The following NRG3 variants were observed in gnomAD, a reference collection of about 807,000 sequenced individuals.
The protein encoded by NRG3 is neuregulin 3.
NRG3 carries 31 observed loss-of-function variants against 66.9 expected under a neutral mutation model. The observed-to-expected ratio is 0.46, with a 90% CI of 0.35 to 0.63. The LOEUF (loss-of-function observed/expected upper bound fraction) is 0.63, where lower values mean the gene tolerates loss of function less well. Ranked by LOEUF, NRG3 falls within the 20% of genes least tolerant of loss-of-function variation. The pLI is 0.00. For missense variants in NRG3, 910 were observed against 878.9 expected (o/e 1.04, Z -0.45); for synonymous variants, 393 against 359.4 (o/e 1.09, Z -1.06).
intron 5 of NRG3, among the ~76,000 whole-genome samples, chr10:82,958,040 G>T (rs1313709615): frequency 6.6e-6 from 1 of 152,148 alleles, no homozygotes; most frequent in Non-Finnish European, 1.5e-5. Context: ...GGCACTGAGT[G>T]ACCCAGACAA....
At chr10:82,456,993 A>C (rs2091295442) in intron 2 of NRG3, among the ~76,000 whole-genome samples, 1 of 152,150 alleles carries the variant, frequency 6.6e-6, no homozygotes, top group Non-Finnish European at 1.5e-5. Context: ...TGCGATCATC[A>C]TAGGTATCTA....
intron 1 of NRG3, among the ~76,000 whole-genome samples, chr10:82,132,468 G>GAGAT (rs2068906253): frequency 1.7e-5 from 2 of 119,920 alleles, no homozygotes; most frequent in South Asian, 4.9e-4. Flanking sequence ...TGATATATAT[G>GAGAT]ATATATATAT....
chr10:81,952,389 A>C (rs552047043), intron 1 of NRG3, among the ~76,000 whole-genome samples: 2 of 151,240 alleles, frequency 1.3e-5, no homozygotes, highest in South Asian at 4.2e-4. Context: ...GTGTGTGTGT[A>C]TGTGTGCGTG....
chr10:82,115,779 A>G (rs139836714), intron 1 of NRG3, among the ~76,000 whole-genome samples: 9 of 152,270 alleles, frequency 5.9e-5, no homozygotes, highest in East Asian at 3.9e-4. Flanking sequence ...TTGATGTTCT[A>G]TCTAGCCTAG....
chr10:82,962,250 G>A (rs916793643), intron 6 of NRG3, among the ~76,000 whole-genome samples: 7 of 152,140 alleles, frequency 4.6e-5, no homozygotes, highest in African/African-American at 1.7e-4. Context: ...TGTGTCTCAA[G>A]TAAGAAAGAG....
intron 1 of NRG3, among the ~76,000 whole-genome samples, chr10:82,205,030 G>A (rs956968887): frequency 6.6e-6 from 1 of 152,182 alleles, no homozygotes; most frequent in African/African-American, 2.4e-5. Flanking sequence ...GATTTGGTGA[G>A]CATTTGGTAT....
At chr10:82,325,804 CCCT>C (rs1423094848) in intron 1 of NRG3, among the ~76,000 whole-genome samples, 26 of 152,208 alleles carry the variant, frequency 1.7e-4, no homozygotes, top group African/African-American at 6.0e-4. Context: ...CTTCTCTCTC[CCCT>C]CCTCATCTTT....
rs919953463 is a variant in NRG3 at position 82,408,320 on chromosome 10, A to G, written c.953+49452A>G. The stretch of plus-strand genomic sequence containing the variant: ...TACTGTGGTCAAGACTGTTCAGCAC[A>G]GTGCATATCCTGTGCAAAGGCTCTG... On this transcript the variant is annotated intron_variant, in intron 2 of 8. Coordinates refer to ENST00000372141, the MANE Select transcript of NRG3 (RefSeq NM_001010848.4). Among the ~76,000 whole-genome samples the G allele has an allele frequency of 2.0e-5, 3 of 152,126 alleles. 1 individual carries two copies. In the East Asian group the frequency reaches 5.8e-4, roughly 29 times the overall value.
intron 4 of NRG3, among the ~76,000 whole-genome samples, chr10:82,919,813 C>T (rs777904950): frequency 5.3e-5 from 8 of 151,814 alleles, no homozygotes; most frequent in Admixed American, 2.0e-4. Context: ...ACTTGAGAAT[C>T]GTGTAAAAAT....
intron 1 of NRG3, among the ~76,000 whole-genome samples, chr10:81,966,753 T>C (rs1214779756): frequency 6.6e-6 from 1 of 152,216 alleles, no homozygotes; most frequent in East Asian, 1.9e-4. Context: ...GTTATTTTAC[T>C]GTTTAGATAA....
chr10:82,916,003 T>A (rs2132015468), intron 4 of NRG3, among the ~76,000 whole-genome samples: 1 of 152,316 alleles, frequency 6.6e-6, no homozygotes. Context: ...TAGCCTTTTT[T>A]ATTTGTTCAG....
At chr10:82,131,615 A>G (rs1485843777) in intron 1 of NRG3, among the ~76,000 whole-genome samples, 3 of 152,042 alleles carry the variant, frequency 2.0e-5, no homozygotes, top group Admixed American at 6.6e-5. Context: ...TCAAATCTGT[A>G]TATTGCTTTG....
intron 3 of NRG3, among the ~76,000 whole-genome samples, chr10:82,770,658 A>G (rs1408790508): frequency 6.6e-6 from 1 of 152,148 alleles, no homozygotes; most frequent in African/African-American, 2.4e-5. Flanking sequence ...AACATATTCC[A>G]GGTTAAGCAG....
chr10:82,678,639 G>C (rs1238080855), intron 2 of NRG3, among the ~76,000 whole-genome samples: 1 of 152,168 alleles, frequency 6.6e-6, no homozygotes, highest in Non-Finnish European at 1.5e-5. Context: ...TGTGACAACT[G>C]CCTGACCATC....
At position 82,707,142 on chromosome 10, in the gene NRG3, G is replaced by T. The variant is rs2056356989; in HGVS notation, c.954-31435G>T. On this transcript the variant is annotated intron_variant, in intron 2 of 8. Coordinates refer to ENST00000372141, the MANE Select transcript of NRG3 (RefSeq NM_001010848.4). ...ATAATTATTTGCATATTAACTTGAG[G>T]GTCTTTTTATAAAGTAAAACAACAG... Among the ~76,000 whole-genome samples, 3 of 150,614 alleles carry T rather than the reference G, an allele frequency of 2.0e-5. No homozygotes were observed. In the South Asian group the frequency reaches 6.3e-4, roughly 32 times the overall value.
At chr10:82,089,799 T>C (rs944900856) in intron 1 of NRG3, among the ~76,000 whole-genome samples, 5 of 152,130 alleles carry the variant, frequency 3.3e-5, no homozygotes, top group Non-Finnish European at 5.9e-5. Context: ...TCAATCTTTC[T>C]TTTAAGAGAA....
intron 1 of NRG3, among the ~76,000 whole-genome samples, chr10:81,991,053 T>C (rs2060720228): frequency 6.6e-6 from 1 of 152,120 alleles, no homozygotes; most frequent in African/African-American, 2.4e-5. Flanking sequence ...TACTTATTTA[T>C]GCAAAAGGAA....
intron 2 of NRG3, among the ~76,000 whole-genome samples, chr10:82,591,108 T>A (rs1433079674): frequency 6.6e-6 from 1 of 152,154 alleles, no homozygotes; most frequent in African/African-American, 2.4e-5. Context: ...TTCTTTTCAC[T>A]AGTGGGAAAG....
intron 2 of NRG3, among the ~76,000 whole-genome samples, chr10:82,574,339 A>T (rs694034): frequency 0.084 from 12,801 of 151,866 alleles, 622 homozygotes; most frequent in East Asian, 0.15. Flanking sequence ...AAACAAGTGA[A>T]TCTCATGGAG....
Sources: allele counts gnomAD v4.1 joint callset (sites outside exome capture counted in the v4.1 genomes callset), GRCh38; gene constraint gnomAD v4.1.1; transcripts MANE v1.5; gene names NCBI Gene and HGNC (gene_info 2026-07-23, HGNC 2026-07-21).